Variants in TLCD4 observed in about 807,000 individuals in gnomAD.
TLCD4 encodes the protein TLC domain-containing protein 4.
Under a neutral mutation model 24.2 loss-of-function variants are expected in TLCD4, and 7 were observed. That is an observed-to-expected ratio of 0.29 (90% CI 0.16 to 0.54). TLCD4 has a LOEUF of 0.54. Among genes scored for constraint, TLCD4 ranks in the 20% least tolerant of loss-of-function variants. The pLI, the probability that TLCD4 is intolerant of heterozygous loss-of-function variation, is 0.95. For synonymous variants in TLCD4, 103 were observed against 106.4 expected (o/e 0.97, Z 0.20); for missense variants, 259 against 313.9 (o/e 0.82, Z 1.32).
rs569577771 is a variant in TLCD4 at position 95,174,523 on chromosome 1, A to G, written c.473+634A>G. 2.4e-3 allele frequency among the ~76,000 whole-genome samples: 294 copies of G among 122,728 alleles called. 1 individual carries two copies. Among genetic ancestry groups the G allele is most frequent in the African/African-American group, 0.011 (275 of 25,944 alleles). 80.5% of individuals were successfully genotyped at this position (122,728 alleles called of 152,430 possible). A position where few individuals can be genotyped will look rare whatever the true frequency, so the allele number is the denominator to read the frequency against. The stretch of plus-strand genomic sequence containing the variant: ...CCATCCCTACAAAAAAAAAAAAAAA[A>G]AAAGAAAAAAGAAAATTAGCTGGGC... On this transcript the variant is annotated intron_variant, in intron 6 of 6. Transcript: ENST00000370203.
the TLCD4 span, among the ~76,000 whole-genome samples, chr1:95,104,560 G>C: frequency 6.6e-6 from 1 of 151,114 alleles, no homozygotes; most frequent in Non-Finnish European, 1.5e-5. Context: ...AGCTACTCGG[G>C]AGGCTGAGGC....
At position 95,119,374 on chromosome 1, in the gene TLCD4, A is replaced by G. The variant is rs1468732252; in HGVS notation, c.-12+1757A>G. Among the ~76,000 whole-genome samples, 3 of 152,220 alleles carry G rather than the reference A, an allele frequency of 2.0e-5. No homozygotes were observed. In the East Asian group the frequency reaches 5.8e-4, roughly 29 times the overall value. ...AGGGAAGTCTTATGAGCAGGGAGCT[A>G]TCAGAAATCTGAGTGTTAGACTGAT... On this transcript the variant is annotated intron_variant, in intron 1 of 6. Transcript: ENST00000370203.
At position 95,197,206 on chromosome 1, in the gene TLCD4, A is replaced by G. The variant is rs1388524591; in HGVS notation, c.*5338A>G. The G allele has an allele frequency of 2.0e-5, 3 of 152,272 alleles. No individual in the cohort carries two copies. The highest frequency in any genetic ancestry group is 7.2e-5 in the African/African-American group (3 of 41,566). The allele number at this position is 152,272 out of a possible 1,614,324, so 9.4% of individuals were successfully genotyped here. ...ACTTTTATTTACAAAATGTAAGACT[A>G]GATAATGTATGAATCAGTGTTACTA... On this transcript the variant is annotated 3_prime_UTR_variant, in exon 7 of 7. Coordinates refer to ENST00000370203, the MANE Select transcript of TLCD4 (RefSeq NM_152487.3).
At position 95,195,532 on chromosome 1, in the gene TLCD4, G is replaced by C. The variant is rs2101035393; in HGVS notation, c.*3664G>C. On this transcript the variant is annotated 3_prime_UTR_variant, in exon 7 of 7. Coordinates refer to ENST00000370203, the MANE Select transcript of TLCD4 (RefSeq NM_152487.3). ...ACATCATCAATAATACTTCATAAAG[G>C]TTTATGTATTTTTATGTGTTTGGAT... is the stretch of plus-strand genomic sequence containing the variant. 6.6e-6 allele frequency: 1 copy of C among 152,172 alleles called. No individual in the cohort carries two copies. Among genetic ancestry groups the C allele is most frequent in the South Asian group, 2.1e-4 (1 of 4,822 alleles). The allele number at this position is 152,172 out of a possible 1,614,324, so 9.4% of individuals were successfully genotyped here. A position where few individuals can be genotyped will look rare whatever the true frequency, so the allele number is the denominator to read the frequency against.
At chr1:95,135,827 C>T (rs538729432) in intron 1 of TLCD4, among the ~76,000 whole-genome samples, 1 of 152,252 alleles carries the variant, frequency 6.6e-6, no homozygotes, top group African/African-American at 2.4e-5. Context: ...TCAAGTGATT[C>T]TCCCACCTCA....
the TLCD4 span, among the ~76,000 whole-genome samples, chr1:95,104,249 T>G: frequency 2.6e-5 from 4 of 152,142 alleles, no homozygotes; most frequent in Non-Finnish European, 5.9e-5. Context: ...ATGGGAACAC[T>G]TAGATAGCAC....
At chr1:95,126,051 G>A (rs1432873209) in intron 1 of TLCD4, among the ~76,000 whole-genome samples, 2 of 151,810 alleles carry the variant, frequency 1.3e-5, no homozygotes, top group African/African-American at 4.8e-5. Context: ...TAGCACTTTG[G>A]GAGTCTGAGG....
At chr1:95,137,567 G>C (rs1247863548) in intron 1 of TLCD4, among the ~76,000 whole-genome samples, 1 of 152,092 alleles carries the variant, frequency 6.6e-6, no homozygotes, top group Non-Finnish European at 1.5e-5. Context: ...GTGTTTTGGT[G>C]GGGAGGGGCT....
At chr1:95,108,479 T>A in the TLCD4 span, among the ~76,000 whole-genome samples, 1 of 152,078 alleles carries the variant, frequency 6.6e-6, no homozygotes, top group South Asian at 2.1e-4. Context: ...GCTCAGCCAT[T>A]CTCCCACCTC....
chr1:95,165,428 A>G (rs7521059), intron 5 of TLCD4, among the ~76,000 whole-genome samples: 67,090 of 150,284 alleles, frequency 0.45, 16,368 homozygotes, highest in Middle Eastern at 0.59. Context: ...AATTTTGTTG[A>G]GTGGAATTCT....
chr1:95,192,638 T>C lies in TLCD4; in HGVS notation c.*770T>C, dbSNP rs1679064418. On this transcript the variant is annotated 3_prime_UTR_variant, in exon 7 of 7. Coordinates refer to ENST00000370203, the MANE Select transcript of TLCD4 (RefSeq NM_152487.3). ...CAACACTTGTGTAGGGTTTAATTTC[T>C]AAATTGTTGGCATGTTCTTTTTCTC... is the stretch of plus-strand genomic sequence containing the variant. 6.6e-6 allele frequency: 1 copy of C among 152,232 alleles called. No individual in the cohort carries two copies. The highest frequency in any genetic ancestry group is 2.4e-5 in the African/African-American group (1 of 41,468). The allele number at this position is 152,232 out of a possible 1,614,324, so 9.4% of individuals were successfully genotyped here. A position where few individuals can be genotyped will look rare whatever the true frequency, so the allele number is the denominator to read the frequency against.
At chr1:95,172,128 G>A (rs1263190876) in intron 5 of TLCD4, among the ~76,000 whole-genome samples, 1 of 152,158 alleles carries the variant, frequency 6.6e-6, no homozygotes, top group Admixed American at 6.5e-5. Context: ...TGGACTTCTA[G>A]CTTCCGTAAC....
chr1:95,125,578 A>G (rs1676712229), intron 1 of TLCD4: 1 of 152,110 alleles, frequency 6.6e-6, no homozygotes, highest in Non-Finnish European at 1.5e-5. Flanking sequence ...GTGAACAATC[A>G]ATGGAGACAA....
intron 1 of TLCD4, among the ~76,000 whole-genome samples, chr1:95,133,636 A>G (rs1226913197): frequency 2.6e-5 from 4 of 152,092 alleles, no homozygotes; most frequent in African/African-American, 4.8e-5. Context: ...TCTGCTGAGA[A>G]TGGGGTAGAT....
intron 5 of TLCD4, among the ~76,000 whole-genome samples, chr1:95,171,129 T>A (rs1678203511): frequency 6.6e-6 from 1 of 152,184 alleles, no homozygotes; most frequent in Admixed American, 6.6e-5. Context: ...TTTAAATTTT[T>A]GTATAGAGAT....
intron 5 of TLCD4, among the ~76,000 whole-genome samples, chr1:95,170,382 T>C (rs575287828): frequency 6.8e-6 from 1 of 146,672 alleles, no homozygotes; most frequent in African/African-American, 2.5e-5. Flanking sequence ...CAGGCTGGAG[T>C]GCAGTGGCGT....
At chr1:95,148,605 T>G in intron 2 of TLCD4, 97 bp from the exon 3 acceptor site, 3 of 1,522,322 alleles carry the variant, frequency 2.0e-6, no homozygotes, top group Non-Finnish European at 1.8e-6. Context: ...TATAAATGCT[T>G]CCAGGTATAA....
chr1:95,165,538 T>C (rs1047968086), intron 5 of TLCD4, among the ~76,000 whole-genome samples: 1 of 151,118 alleles, frequency 6.6e-6, no homozygotes, highest in African/African-American at 2.4e-5. Flanking sequence ...TGATCTTGGC[T>C]CACTGCAACC....
chr1:95,096,350 G>C, the TLCD4 span, among the ~76,000 whole-genome samples: 1 of 152,204 alleles, frequency 6.6e-6, no homozygotes, highest in Middle Eastern at 3.2e-3. Flanking sequence ...GTAGAGATGA[G>C]TAACTATGAC....
Sources: gnomAD v4.1 joint callset for allele counts (sites outside exome capture counted in the v4.1 genomes callset) on GRCh38, gnomAD v4.1.1 for gene constraint, MANE v1.5 for transcripts, NCBI Gene and HGNC (gene_info 2026-07-23, HGNC 2026-07-21) for gene names.